MYO9B: variants seen among roughly 807,000 people sequenced by gnomAD.
The protein encoded by MYO9B is unconventional myosin-IXb.
A neutral mutation model predicts 229.5 loss-of-function variants in MYO9B; 71 were observed. The observed-to-expected ratio is 0.31, with a 90% confidence interval of 0.26 to 0.38. The LOEUF is 0.38. MYO9B is among the 10% of genes least tolerant of loss of function. The pLI is 1.00. For missense variants in MYO9B, 2,255 were observed against 2,920.5 expected (o/e 0.77, Z 5.25); for synonymous variants, 1,185 against 1,235.8 (o/e 0.96, Z 0.86).
At chr19:17,123,424 TTGTGTGTGTGTG>T (rs3222984) in intron 2 of MYO9B, among the ~76,000 whole-genome samples, 144 of 146,934 alleles carry the variant, frequency 9.8e-4, no homozygotes, top group African/African-American at 3.1e-3. Context: ...CAGTAGAAAT[TTGTGTGTGTGTG>T]TGTGTGTGTG....
At chr19:17,114,160 T>C (rs1381120294) in intron 2 of MYO9B, among the ~76,000 whole-genome samples, 2 of 152,224 alleles carry the variant, frequency 1.3e-5, no homozygotes, top group Non-Finnish European at 2.9e-5. Flanking sequence ...GAACTGCTGT[T>C]TTAGGCCAAC....
intron 2 of MYO9B, among the ~76,000 whole-genome samples, chr19:17,132,819 G>A (rs1049501644): frequency 6.6e-6 from 1 of 151,064 alleles, no homozygotes; most frequent in Non-Finnish European, 1.5e-5. Context: ...GAGCCACAGC[G>A]CCAGGCCTTA....
At chr19:17,203,294 A>T in intron 30 of MYO9B, 36 bp downstream of exon 30, 1 of 1,467,038 alleles carries the variant, frequency 6.8e-7, no homozygotes, top group Non-Finnish European at 9.3e-7. Flanking sequence ...AAAACCCTCC[A>T]TGTCCCCCAC....
chr19:17,151,359 A>T (rs2072475489), intron 3 of MYO9B, among the ~76,000 whole-genome samples: 1 of 152,134 alleles, frequency 6.6e-6, no homozygotes, highest in Non-Finnish European at 1.5e-5. Context: ...ATTGCTGGGT[A>T]TCACAGACCC....
At chr19:17,120,614 C>T (rs1413370030) in intron 2 of MYO9B, among the ~76,000 whole-genome samples, 3 of 140,976 alleles carry the variant, frequency 2.1e-5, no homozygotes, top group Non-Finnish European at 3.0e-5. Context: ...ATTCCAGCCT[C>T]GGCAACAGAG....
chr19:17,142,166 TAAAA>T (rs374143995), intron 2 of MYO9B, among the ~76,000 whole-genome samples: 1 of 144,872 alleles, frequency 6.9e-6, no homozygotes, highest in Non-Finnish European at 1.5e-5. Context: ...CCCTGCCTTT[TAAAA>T]AAAAAAAAAG....
chr19:17,088,150 C>G (rs1032155862), intron 1 of MYO9B, among the ~76,000 whole-genome samples: 2 of 152,212 alleles, frequency 1.3e-5, no homozygotes, highest in Non-Finnish European at 2.9e-5. Flanking sequence ...TACGGGAGGA[C>G]CCTTCCTGCC....
chr19:17,119,700 G>A (rs1042100018), intron 2 of MYO9B, among the ~76,000 whole-genome samples: 7 of 152,186 alleles, frequency 4.6e-5, no homozygotes, highest in African/African-American at 1.7e-4. Flanking sequence ...CACCCAGGCT[G>A]GAGTGCAGTG....
chr19:17,181,212 C>A lies in MYO9B; in HGVS notation c.2333+172C>A, dbSNP rs147569253. On this transcript the variant is annotated intron_variant, in intron 15 of 39. Coordinates refer to ENST00000682292, the MANE Select transcript of MYO9B (RefSeq NM_004145.4). ...AATGCCAATCAATAACACCCCTGGC[C>A]TCTGTCTGCACTGTGGCCCAGGCAC... Among the ~76,000 whole-genome samples, 929 of 152,366 alleles carry A rather than the reference C, an allele frequency of 6.1e-3. 17 individuals are homozygous for A. The highest frequency in any genetic ancestry group is 0.031 in the Admixed American group (479 of 15,296).
chr19:17,104,141 G>T (rs1277753680), intron 2 of MYO9B, among the ~76,000 whole-genome samples: 2 of 152,122 alleles, frequency 1.3e-5, no homozygotes, highest in Non-Finnish European at 2.9e-5. Context: ...GAAAGAAAAG[G>T]CTGGTGTATT....
At chr19:17,105,601 G>T (rs1431582953) in intron 2 of MYO9B, among the ~76,000 whole-genome samples, 3 of 152,102 alleles carry the variant, frequency 2.0e-5, no homozygotes, top group Non-Finnish European at 4.4e-5. Context: ...TTCTTCACAC[G>T]TAGGATCCTG....
At chr19:17,179,691 T>G (rs1206087396) in intron 14 of MYO9B, among the ~76,000 whole-genome samples, 1 of 151,616 alleles carries the variant, frequency 6.6e-6, no homozygotes, top group Non-Finnish European at 1.5e-5. Flanking sequence ...CCTCCGAAAG[T>G]GCTGGGATTA....
At chr19:17,202,534 T>TGCCACGCCTATGACCTGCAAC (rs2073119058) in intron 28 of MYO9B, among the ~76,000 whole-genome samples, 2 of 152,122 alleles carry the variant, frequency 1.3e-5, no homozygotes, top group Non-Finnish European at 2.9e-5. Flanking sequence ...ACCCATGCCA[T>TGCCACGCCTATGACCTGCAAC]GCCACGCCTA....
intron 8 of MYO9B, 95 bp downstream of exon 8, chr19:17,159,579 C>T (rs1199733318): frequency 8.1e-6 from 9 of 1,104,424 alleles, no homozygotes; most frequent in Non-Finnish European, 1.2e-5. Context: ...CTGTTCTGTC[C>T]CTGAATGCTA....
intron 2 of MYO9B, among the ~76,000 whole-genome samples, chr19:17,108,777 C>T (rs2145064678): frequency 6.6e-6 from 1 of 152,240 alleles, no homozygotes; most frequent in African/African-American, 2.4e-5. Flanking sequence ...AGTGCAGTGG[C>T]ACGATCTCGG....
At chr19:17,132,525 ATTTTTTT>A (rs35184435) in intron 2 of MYO9B, among the ~76,000 whole-genome samples, 48 of 116,366 alleles carry the variant, frequency 4.1e-4, no homozygotes, top group African/African-American at 1.3e-3. Flanking sequence ...TATTATTATT[ATTTTTTT>A]TTTTTTTTTT....
At position 17,194,639 on chromosome 19, in the gene MYO9B, A is replaced by T. The variant is rs1480505566; in HGVS notation, c.3212A>T (p.Glu1071Val). The stretch of plus-strand genomic sequence containing the variant: ...GAAGCCGCAAGAGCAGGTGCTGAGG[A>T]GGGCGGACAGGGTCAGGCGGCTGGA... ...ALEAARAGAE[E>V]GGQGQAAGGQ... The change falls in exon 22 of 40, where the codon GAG becomes GTG. Residue 1071 changes from glutamate (E) to valine (V), a missense_variant. Physicochemically the swap from Glu to Val is moderately radical, Grantham distance 121. This residue lies in a region of MYO9B where 679 missense variants were observed against 770.2 expected (regional missense o/e 0.88). Transcript: ENST00000682292. 1 of 1,612,592 alleles carries T rather than the reference A, an allele frequency of 6.2e-7. No individual in the cohort carries two copies. The highest frequency in any genetic ancestry group is 1.3e-5 in the African/African-American group (1 of 74,936).
At chr19:17,190,325 A>C (rs1327579379) in intron 19 of MYO9B, among the ~76,000 whole-genome samples, 1 of 150,384 alleles carries the variant, frequency 6.6e-6, no homozygotes, top group Non-Finnish European at 1.5e-5. Context: ...TCTCCAGTAC[A>C]TGGGGTTACA....
In MYO9B at chr19:17,101,693, A is replaced by G; in HGVS notation, c.-25A>G. 6.5e-7 allele frequency: 1 copy of G among 1,539,208 alleles called. No individual in the cohort carries two copies. The highest frequency in any genetic ancestry group is 8.7e-7 in the Non-Finnish European group (1 of 1,147,574). On this transcript the variant is annotated 5_prime_UTR_variant, in exon 2 of 40. An upstream start codon of the reference 5' UTR is lost. Coordinates refer to ENST00000682292, the MANE Select transcript of MYO9B (RefSeq NM_004145.4). This position sits in a 1 kb window ranked among gnomAD's most constrained non-coding sequence, Gnocchi z 4.7. ...CACGCGCGCCCCGAGCCTGGGAGGC[A>G]TGCTGAAGCCAGGCGGCCGGCAGGA...
Sources: gnomAD v4.1 joint callset for allele counts (sites outside exome capture counted in the v4.1 genomes callset) on GRCh38, gnomAD v4.1.1 for gene constraint, gnomAD v4.1.1 regional missense constraint, Gnocchi (gnomAD v3.1) non-coding constraint, MANE v1.5 for transcripts, NCBI Gene and HGNC (gene_info 2026-07-23, HGNC 2026-07-21) for gene names.